Variants in CTNND2 observed in about 807,000 individuals in gnomAD.
The protein encoded by CTNND2 is catenin delta-2.
Under a neutral mutation model 144.4 loss-of-function variants are expected in CTNND2, and 22 were observed. The observed-to-expected ratio is 0.15, with a 90% CI of 0.11 to 0.22. The LOEUF (loss-of-function observed/expected upper bound fraction) is 0.22. CTNND2 is among the 10% of genes least tolerant of loss of function. The pLI is 1.00. For missense variants in CTNND2, 1,353 were observed against 1,618.8 expected (o/e 0.84, Z 2.82); for synonymous variants, 751 against 695.6 (o/e 1.08, Z -1.25).
chr5:11,134,884 C>G (rs1422178410), intron 12 of CTNND2, among the ~76,000 whole-genome samples: 2 of 152,140 alleles, frequency 1.3e-5, no homozygotes, highest in Non-Finnish European at 2.9e-5. Context: ...CTTCAAAAAT[C>G]CAAGAATTAT....
chr5:11,204,935 G>A (rs1480104400), intron 10 of CTNND2, among the ~76,000 whole-genome samples: 5 of 152,114 alleles, frequency 3.3e-5, no homozygotes, highest in Non-Finnish European at 7.4e-5. Context: ...CAAAAGGGAG[G>A]GATTTGGAGC....
Position 11,724,827 on chromosome 5 carries a change from C to A in CTNND2, c.174+7309G>T, listed in dbSNP as rs149273029. Among the ~76,000 whole-genome samples the A allele has an allele frequency of 1.0e-3, 153 of 152,286 alleles. 1 individual carries two copies. The highest frequency in any genetic ancestry group is 3.4e-3 in the Middle Eastern group (1 of 294). On this transcript the variant is annotated intron_variant, in intron 2 of 21. Coordinates refer to ENST00000304623, the MANE Select transcript of CTNND2 (RefSeq NM_001332.4). ...AGATGTGTAACTTGCGAAAATGCATCCCCAAATGACTAAATCTATTGACTT... is the reference window on the plus strand; with the variant it reads ...AGATGTGTAACTTGCGAAAATGCATACCCAAATGACTAAATCTATTGACTT...
chr5:11,525,366 T>C (rs924387129), intron 3 of CTNND2, among the ~76,000 whole-genome samples: 8 of 152,118 alleles, frequency 5.3e-5, no homozygotes, highest in East Asian at 3.9e-4. Flanking sequence ...AACTGATACA[T>C]TGTCTTTTTG....
At chr5:11,063,303 G>A (rs140558001) in intron 16 of CTNND2, among the ~76,000 whole-genome samples, 1 of 151,956 alleles carries the variant, frequency 6.6e-6, no homozygotes, top group East Asian at 1.9e-4. Flanking sequence ...GGGAAAAAAG[G>A]CTCATCCATC....
intron 5 of CTNND2, among the ~76,000 whole-genome samples, chr5:11,405,722 C>T (rs1331557433): frequency 6.6e-6 from 1 of 152,176 alleles, no homozygotes; most frequent in African/African-American, 2.4e-5. Context: ...TTTGCCCTCA[C>T]CTTCTATTTT....
intron 1 of CTNND2, among the ~76,000 whole-genome samples, chr5:11,744,580 T>C (rs1561755345): frequency 6.6e-6 from 1 of 152,070 alleles, no homozygotes; most frequent in Non-Finnish European, 1.5e-5. Context: ...TGGGCTGAGA[T>C]GCAGGGAGCA....
chr5:11,226,720 CAT>C (rs1311169502), intron 10 of CTNND2, among the ~76,000 whole-genome samples: 6 of 152,188 alleles, frequency 3.9e-5, no homozygotes, highest in Non-Finnish European at 8.8e-5. Flanking sequence ...CCTCCCATGA[CAT>C]GTGGGAATTA....
At chr5:11,745,471 C>T (rs2126774135) in intron 1 of CTNND2, among the ~76,000 whole-genome samples, 1 of 152,292 alleles carries the variant, frequency 6.6e-6, no homozygotes, top group South Asian at 2.1e-4. Flanking sequence ...TGAACACTAT[C>T]CAGACCTCTC....
chr5:11,302,704 G>GTGACT (rs1233900052), intron 9 of CTNND2, among the ~76,000 whole-genome samples: 1 of 152,198 alleles, frequency 6.6e-6, no homozygotes, highest in Non-Finnish European at 1.5e-5. Flanking sequence ...ATTTCAAGAT[G>GTGACT]TGACCATGGC....
At chr5:11,367,617 G>A (rs1757100580) in intron 7 of CTNND2, among the ~76,000 whole-genome samples, 1 of 152,050 alleles carries the variant, frequency 6.6e-6, no homozygotes, top group African/African-American at 2.4e-5. Flanking sequence ...TCTTTGCCAG[G>A]GACTGGAACT....
chr5:11,538,420 G>A (rs992016336), intron 3 of CTNND2, among the ~76,000 whole-genome samples: 13 of 152,090 alleles, frequency 8.5e-5, no homozygotes, highest in African/African-American at 2.2e-4. Context: ...TAAACTAACC[G>A]TTTCCTCATT....
intron 3 of CTNND2, among the ~76,000 whole-genome samples, chr5:11,513,635 T>C (rs1771861926): frequency 6.6e-6 from 1 of 152,202 alleles, no homozygotes. Context: ...AAGTATGTAT[T>C]GATGACTTAA....
intron 12 of CTNND2, 110 bp downstream of exon 12, chr5:11,159,466 G>A: frequency 1.1e-6 from 1 of 887,276 alleles, no homozygotes; most frequent in South Asian, 2.3e-5. Flanking sequence ...CAACATTCAT[G>A]TTTTCAGAAT....
chr5:11,431,658 G>T (rs1271995677), intron 3 of CTNND2, among the ~76,000 whole-genome samples: 1 of 152,178 alleles, frequency 6.6e-6, no homozygotes, highest in East Asian at 1.9e-4. Flanking sequence ...GCCACATAGA[G>T]AAGCACTGAG....
chr5:11,614,500 T>G (rs1554094365), intron 2 of CTNND2, among the ~76,000 whole-genome samples: 1 of 152,230 alleles, frequency 6.6e-6, no homozygotes, highest in Non-Finnish European at 1.5e-5. Context: ...TAATTTGGCA[T>G]TAGCGTATTA....
chr5:11,054,597 A>G (rs548131357), intron 16 of CTNND2, among the ~76,000 whole-genome samples: 51 of 152,058 alleles, frequency 3.4e-4, no homozygotes, highest in Non-Finnish European at 1.6e-4. Context: ...CTTGCCTCCC[A>G]TCGTTCATCA....
At chr5:11,853,941 G>T (rs1345162408) in intron 1 of CTNND2, among the ~76,000 whole-genome samples, 1 of 152,158 alleles carries the variant, frequency 6.6e-6, no homozygotes, top group Non-Finnish European at 1.5e-5. Flanking sequence ...CTGCTGTCCT[G>T]CAGTCTGTTC....
chr5:11,783,895 G>C (rs1361070269), intron 1 of CTNND2, among the ~76,000 whole-genome samples: 1 of 152,186 alleles, frequency 6.6e-6, no homozygotes, highest in Non-Finnish European at 1.5e-5. Flanking sequence ...CAACTCTATA[G>C]ATGTCTCTCG....
At chr5:11,174,907 T>C (rs141351209) in intron 11 of CTNND2, among the ~76,000 whole-genome samples, 77 of 152,364 alleles carry the variant, frequency 5.1e-4, no homozygotes, top group African/African-American at 1.7e-3. Context: ...CATTCAGCAC[T>C]ACTCCTTGAG....
Sources: allele counts gnomAD v4.1 joint callset (sites outside exome capture counted in the v4.1 genomes callset), GRCh38; gene constraint gnomAD v4.1.1; transcripts MANE v1.5; gene names NCBI Gene and HGNC (gene_info 2026-07-23, HGNC 2026-07-21).